The following PDE4D variants were observed in gnomAD, a reference collection of about 807,000 sequenced individuals.
PDE4D encodes the protein phosphodiesterase 4D.
PDE4D carries 24 observed loss-of-function variants against 87.4 expected under a neutral mutation model. That is an observed-to-expected ratio of 0.27 (90% CI 0.20 to 0.39). PDE4D has a LOEUF of 0.39. PDE4D is among the 10% of genes least tolerant of loss of function. PDE4D has a pLI of 1.00. For synonymous variants in PDE4D, 384 were observed against 383.2 expected (o/e 1.00, Z -0.02); for missense variants, 714 against 1,041.0 (o/e 0.69, Z 4.32).
intron 1 of PDE4D, chr5:59,217,946 A>G (rs772732643): frequency 4.4e-6 from 2 of 457,066 alleles, no homozygotes; most frequent in Non-Finnish European, 8.7e-6. Flanking sequence ...TAAGCACTTA[A>G]TATGAGTGCA....
At chr5:59,789,159 T>C (rs1223303440) in intron 1 of PDE4D, among the ~76,000 whole-genome samples, 2 of 152,204 alleles carry the variant, frequency 1.3e-5, no homozygotes, top group African/African-American at 2.4e-5. Flanking sequence ...AAGCCTCACC[T>C]AAGAAATATG....
At chr5:59,191,370 T>G (rs945278042) in intron 3 of PDE4D, among the ~76,000 whole-genome samples, 1 of 151,842 alleles carries the variant, frequency 6.6e-6, no homozygotes, top group African/African-American at 2.4e-5. Context: ...AGACCTTTTT[T>G]CATTTGTTAT....
chr5:59,374,940 T>A (rs1784470665), intron 1 of PDE4D, among the ~76,000 whole-genome samples: 1 of 152,124 alleles, frequency 6.6e-6, no homozygotes, highest in African/African-American at 2.4e-5. Context: ...GCCTTTTGGG[T>A]AAATAATGAA....
At position 59,926,404 on chromosome 5, in the gene PDE4D, G is replaced by C. The variant is rs1364397018; in HGVS notation, c.272+62084C>G. ...TTTATACCCTATATCAAAAAAAGAA[G>C]AAAAACTTCAAAAACAAAAAACCCT... On this transcript the variant is annotated intron_variant, in intron 3 of 16. Coordinates refer to the PDE4D transcript ENST00000502484. 2.0e-5 allele frequency among the ~76,000 whole-genome samples: 3 copies of C among 151,726 alleles called. No homozygotes were observed. In the East Asian group the frequency reaches 5.8e-4, roughly 29 times the overall value.
In PDE4D at chr5:59,054,535, C is replaced by A. The variant is rs370703765; in HGVS notation, c.809-15564G>T. ...TGTGTTTTATAAATAATAGTCATGGCAAAATTTGTTTACAGTCTTTAACAA... is the reference window on the plus strand; with the variant it reads ...TGTGTTTTATAAATAATAGTCATGGAAAAATTTGTTTACAGTCTTTAACAA... On this transcript the variant is annotated intron_variant, in intron 5 of 14. Coordinates refer to ENST00000340635, the MANE Select transcript of PDE4D (RefSeq NM_001104631.2). Among the ~76,000 whole-genome samples the A allele has an allele frequency of 2.0e-4, 31 of 151,806 alleles. No homozygotes were observed. In the East Asian group the frequency reaches 4.8e-3, roughly 24 times the overall value.
chr5:60,255,950 A>G (rs534348241), intron 1 of PDE4D, among the ~76,000 whole-genome samples: 3 of 152,042 alleles, frequency 2.0e-5, no homozygotes, highest in African/African-American at 7.2e-5. Context: ...TGTCATTTGA[A>G]TTATAACCTT....
chr5:59,981,477 T>C (rs945821999), intron 3 of PDE4D, among the ~76,000 whole-genome samples: 8 of 152,194 alleles, frequency 5.3e-5, no homozygotes, highest in African/African-American at 1.9e-4. Flanking sequence ...TTCAAGATTA[T>C]TGGAAGTATT....
At chr5:59,693,322 C>CA (rs1390101385) in intron 1 of PDE4D, among the ~76,000 whole-genome samples, 1 of 151,882 alleles carries the variant, frequency 6.6e-6, no homozygotes, top group Non-Finnish European at 1.5e-5. Context: ...GAATCTTTAC[C>CA]AAAAATAGTC....
chr5:59,242,078 G>A (rs890151964), intron 1 of PDE4D, among the ~76,000 whole-genome samples: 1 of 152,074 alleles, frequency 6.6e-6, no homozygotes, highest in African/African-American at 2.4e-5. Flanking sequence ...TTCTATATAT[G>A]TATGTCAATA....
At chr5:60,348,616 G>C (rs987700784) in intron 1 of PDE4D, among the ~76,000 whole-genome samples, 4 of 152,070 alleles carry the variant, frequency 2.6e-5, no homozygotes, top group Admixed American at 6.6e-5. Context: ...ATAATGTGAA[G>C]TCCAACTGCT....
intron 6 of PDE4D, among the ~76,000 whole-genome samples, chr5:58,997,458 T>C (rs750920320): frequency 2.4e-4 from 36 of 152,174 alleles, no homozygotes; most frequent in Non-Finnish European, 4.6e-4. Context: ...TACAATGTAT[T>C]CTTCTGGGAA....
rs1346884405 is a variant in PDE4D at position 60,477,513 on chromosome 5, A to T, written c.-90+10429T>A. 2.6e-5 allele frequency among the ~76,000 whole-genome samples: 4 copies of T among 152,188 alleles called. No individual in the cohort carries two copies. The East Asian group carries it at 7.7e-4, about 29-fold the overall frequency. ...CAGTATGTAAAAGTTAAATTTCCAA[A>T]AGGGAGGCTGTTAAGATGGAGGAAA... On this transcript the variant is annotated intron_variant, in intron 1 of 16. Coordinates refer to the PDE4D transcript ENST00000502484.
rs936026227 is a variant in PDE4D at position 59,906,895 on chromosome 5, A to T, written c.272+81593T>A. On this transcript the variant is annotated intron_variant, in intron 3 of 16. Transcript: ENST00000502484. The stretch of plus-strand genomic sequence containing the variant: ...CACAACTGGGTATATACCCAAAGGA[A>T]TATAAATTGTTCTACCATAAAAACA... Among the ~76,000 whole-genome samples the T allele has an allele frequency of 2.0e-5, 3 of 152,168 alleles. No individual in the cohort carries two copies. In the South Asian group the frequency reaches 6.2e-4, roughly 32 times the overall value.
rs535273205 is a variant in PDE4D at position 59,467,840 on chromosome 5, G to A, written c.456-251872C>T. Among the ~76,000 whole-genome samples the A allele has an allele frequency of 7.2e-5, 11 of 152,272 alleles. No individual in the cohort carries two copies. The East Asian group carries it at 2.1e-3, about 29-fold the overall frequency. On this transcript the variant is annotated intron_variant, in intron 1 of 14. Transcript: ENST00000340635. The stretch of plus-strand genomic sequence containing the variant: ...TTTATCCAGATTATACACATTTATT[G>A]TCAAAAGCTTTATGGATTTTTCTGG...
At chr5:59,383,795 A>G (rs1786397209) in intron 1 of PDE4D, among the ~76,000 whole-genome samples, 2 of 152,272 alleles carry the variant, frequency 1.3e-5, no homozygotes, top group South Asian at 4.2e-4. Context: ...ATATACCTAC[A>G]TATTTATCAC....
intron 1 of PDE4D, among the ~76,000 whole-genome samples, chr5:59,704,755 G>A (rs1364266904): frequency 6.6e-6 from 1 of 152,066 alleles, no homozygotes; most frequent in African/African-American, 2.4e-5. Context: ...CATTCAGTAG[G>A]GTCCAAGTCT....
chr5:59,300,941 C>T (rs1159758276), intron 1 of PDE4D, among the ~76,000 whole-genome samples: 1 of 152,166 alleles, frequency 6.6e-6, no homozygotes, highest in African/African-American at 2.4e-5. Flanking sequence ...CTTATGTTTG[C>T]TAGTTTATTA....
intron 1 of PDE4D, chr5:59,592,229 T>C: frequency 5.4e-6 from 4 of 740,658 alleles, no homozygotes; most frequent in Non-Finnish European, 6.6e-6. Context: ...TGTTAACTAA[T>C]AACGATGTTG....
intron 1 of PDE4D, among the ~76,000 whole-genome samples, chr5:60,404,131 T>A (rs1741319703): frequency 6.6e-6 from 1 of 151,794 alleles, no homozygotes; most frequent in Admixed American, 6.6e-5. Context: ...CAAGTTATTT[T>A]GTGTACCCAG....
Sources: allele counts gnomAD v4.1 joint callset (sites outside exome capture counted in the v4.1 genomes callset), GRCh38; gene constraint gnomAD v4.1.1; transcripts MANE v1.5; gene names NCBI Gene and HGNC (gene_info 2026-07-23, HGNC 2026-07-21).